The following ECPAS variants were observed in gnomAD, a reference collection of about 807,000 sequenced individuals.
ECPAS encodes Ecm29 proteasome adaptor and scaffold.
ECPAS carries 70 observed loss-of-function variants against 255.1 expected under a neutral mutation model. The observed-to-expected ratio is 0.27, with a 90% CI of 0.23 to 0.33. The LOEUF (loss-of-function observed/expected upper bound fraction) is 0.33, where lower values mean the gene tolerates loss of function less well. Among genes scored for constraint, ECPAS ranks in the 10% least tolerant of loss-of-function variants. The probability of loss-of-function intolerance (pLI) is 1.00; values close to 1 mark genes in which losing one functional copy is unlikely to be tolerated. For missense variants in ECPAS, 1,817 were observed against 2,206.4 expected, an observed-to-expected ratio of 0.82 and a Z score of 3.54; for synonymous variants, 784 against 775.0, an observed-to-expected ratio of 1.01 and a Z score of -0.19.
chr9:111,390,464 G>A (rs1407480374), intron 29 of ECPAS, among the ~76,000 whole-genome samples: 2 of 152,144 alleles, frequency 1.3e-5, no homozygotes, highest in African/African-American at 4.8e-5. Flanking sequence ...TCTTCCCTAA[G>A]TCTTTTCTAA....
Position 111,378,718 on chromosome 9 carries a change from A to C in ECPAS, c.3816T>G (p.Leu1272=). The C allele has an allele frequency of 1.2e-6, 2 of 1,612,484 alleles. No individual in the cohort carries two copies. The highest frequency in any genetic ancestry group is 1.7e-6 in the Non-Finnish European group (2 of 1,178,854). ...CTCCTGCACTTTTGCTGATCTTCAC[A>C]AGGGTGTTAATGCTACAAACATATG... The part of the protein sequence containing the change: ...TEVRALSINT[L]VKISKSAGAM... Residue 1272 remains leucine, a synonymous_variant, in exon 36 of 50, where the codon CTT becomes CTG. Coordinates refer to ENST00000684092, the MANE Select transcript of ECPAS (RefSeq NM_001364929.1).
intron 24 of ECPAS, among the ~76,000 whole-genome samples, chr9:111,405,820 A>G (rs533429040): frequency 1.3e-5 from 2 of 149,958 alleles, no homozygotes; most frequent in East Asian, 4.0e-4. Context: ...ATAGAAATAC[A>G]GAGAAAAACC....
chr9:111,426,463 T>C (rs1210134601), intron 10 of ECPAS, among the ~76,000 whole-genome samples: 1 of 151,956 alleles, frequency 6.6e-6, no homozygotes, highest in Admixed American at 6.6e-5. Flanking sequence ...CAGACTAGTA[T>C]TGAGTATCTG....
chr9:111,447,278 C>A (rs1186473425), intron 3 of ECPAS, among the ~76,000 whole-genome samples: 1 of 152,008 alleles, frequency 6.6e-6, no homozygotes, highest in Non-Finnish European at 1.5e-5. Flanking sequence ...GCACATGCTA[C>A]CATGCATGGT....
rs201323788 is a variant in ECPAS at position 111,435,846 on chromosome 9, ATTTTTTT to A, written c.708+1087_708+1093del. On this transcript the variant is annotated intron_variant, in intron 7 of 49. Transcript: ENST00000684092. The stretch of plus-strand genomic sequence containing the variant: ...AGGCGCCCGCCACCACGCCCAGCTA[ATTTTTTT>A]TTTTTTTTTTTTTTTAAGAAGAAAC... 0.015 allele frequency among the ~76,000 whole-genome samples: 1,869 copies of A among 127,518 alleles called. 71 individuals are homozygous for A. The East Asian group carries it at 0.16, about 11-fold the overall frequency. The allele number at this position is 127,518 out of a possible 152,430, so 83.7% of individuals were successfully genotyped here. A position where few individuals can be genotyped will look rare whatever the true frequency, so the allele number is the denominator to read the frequency against.
intron 1 of ECPAS, among the ~76,000 whole-genome samples, chr9:111,476,053 G>C (rs565905471): frequency 6.6e-6 from 1 of 152,324 alleles, no homozygotes; most frequent in East Asian, 1.9e-4. Flanking sequence ...TCTCTCAGAA[G>C]ACACCTGACA....
chr9:111,395,421 C>A (rs980429617), intron 25 of ECPAS, among the ~76,000 whole-genome samples: 8 of 152,302 alleles, frequency 5.3e-5, no homozygotes, highest in African/African-American at 1.9e-4. Context: ...TGACATAGAA[C>A]ACGCATGATC....
Position 111,361,950 on chromosome 9 carries a change from T to A in ECPAS, c.*80A>T, listed in dbSNP as rs563599355. The A allele has an allele frequency of 1.5e-5, 22 of 1,516,622 alleles. No individual in the cohort carries two copies. In the East Asian group the frequency reaches 5.1e-4, roughly 35 times the overall value. The allele number at this position is 1,516,622 out of a possible 1,614,324, so 93.9% of individuals were successfully genotyped here. A position where few individuals can be genotyped will look rare whatever the true frequency, so the allele number is the denominator to read the frequency against. On this transcript the variant is annotated 3_prime_UTR_variant, in exon 50 of 50. Transcript: ENST00000684092. Reference sequence around the variant, plus strand: ...CATGCTACAGATTAATCTTTACTTTTTCCCACTTGGTTTTTCAAAGAACAC... The same window carrying A: ...CATGCTACAGATTAATCTTTACTTTATCCCACTTGGTTTTTCAAAGAACAC...
intron 8 of ECPAS, among the ~76,000 whole-genome samples, chr9:111,432,959 A>G (rs535857606): frequency 1.2e-4 from 18 of 152,176 alleles, no homozygotes; most frequent in Non-Finnish European, 2.4e-4. Context: ...CTTAACATCA[A>G]TTCTTTAAGT....
At chr9:111,383,043 T>C (rs2098142635) in intron 35 of ECPAS, among the ~76,000 whole-genome samples, 168 bp downstream of exon 35, 1 of 152,196 alleles carries the variant, frequency 6.6e-6, no homozygotes, top group Non-Finnish European at 1.5e-5. Flanking sequence ...TAAGGTCTCA[T>C]GAGAATGTTT....
At chr9:111,418,412 C>T (rs183307387) in intron 16 of ECPAS, among the ~76,000 whole-genome samples, 1 of 151,078 alleles carries the variant, frequency 6.6e-6, no homozygotes, top group East Asian at 2.0e-4. Flanking sequence ...TATTCAGCTA[C>T]AATTCTGTAC....
intron 38 of ECPAS, among the ~76,000 whole-genome samples, chr9:111,374,500 G>A (rs2098131133): frequency 6.6e-6 from 1 of 152,166 alleles, no homozygotes; most frequent in Non-Finnish European, 1.5e-5. Flanking sequence ...AGAGGACACT[G>A]CAGAAGATAC....
intron 1 of ECPAS, among the ~76,000 whole-genome samples, chr9:111,475,244 G>A (rs965417382): frequency 2.0e-5 from 3 of 152,174 alleles, no homozygotes; most frequent in African/African-American, 7.2e-5. Context: ...GGCAAAACAA[G>A]CCATATAAAA....
intron 2 of ECPAS, among the ~76,000 whole-genome samples, chr9:111,455,979 TG>T (rs1156753094): frequency 2.0e-5 from 3 of 152,202 alleles, no homozygotes; most frequent in Admixed American, 1.3e-4. Context: ...AGGGGCGAAC[TG>T]GGAGTCTCCT....
At chr9:111,456,222 C>G (rs912305668) in intron 2 of ECPAS, among the ~76,000 whole-genome samples, 42 of 152,018 alleles carry the variant, frequency 2.8e-4, no homozygotes, top group Non-Finnish European at 2.4e-4. Flanking sequence ...GACTACCCCC[C>G]AAGTCAAGAA....
chr9:111,426,739 G>A (rs10283902), intron 10 of ECPAS, among the ~76,000 whole-genome samples: 1 of 150,934 alleles, frequency 6.6e-6, no homozygotes. Context: ...GGCCAAGGCA[G>A]GAAGATCACT....
chr9:111,385,981 G>C lies in ECPAS; in HGVS notation c.3527+396C>G, dbSNP rs186123222. On this transcript the variant is annotated intron_variant, in intron 32 of 49. Transcript: ENST00000684092. ...TTGTTTTGCTTTGTTTTGAGACAGA[G>C]TCTCATCTCATTCTGTCGCCCAGGC... is the stretch of plus-strand genomic sequence containing the variant. Among the ~76,000 whole-genome samples the C allele has an allele frequency of 1.5e-4, 23 of 152,332 alleles. No individual in the cohort carries two copies. The East Asian group carries it at 4.0e-3, about 27-fold the overall frequency.
At chr9:111,364,238 C>A (rs2098117563) in intron 48 of ECPAS, among the ~76,000 whole-genome samples, 1 of 152,110 alleles carries the variant, frequency 6.6e-6, no homozygotes, top group South Asian at 2.1e-4. Flanking sequence ...CACAACCAAG[C>A]CCAAAGCAGG....
chr9:111,429,792 C>A (rs1410809711), intron 9 of ECPAS, among the ~76,000 whole-genome samples: 1 of 152,098 alleles, frequency 6.6e-6, no homozygotes, highest in East Asian at 1.9e-4. Flanking sequence ...CAGCTTAAGC[C>A]CAGAAGTTCA....
Sources: allele counts gnomAD v4.1 joint callset (sites outside exome capture counted in the v4.1 genomes callset), GRCh38; gene constraint gnomAD v4.1.1; transcripts MANE v1.5; gene names NCBI Gene and HGNC (gene_info 2026-07-23, HGNC 2026-07-21).